Variants in GALNT7 observed in about 807,000 individuals in gnomAD.
The protein encoded by GALNT7 is polypeptide N-acetylgalactosaminyltransferase 7, also known as N-acetylgalactosaminyltransferase 7.
A neutral mutation model predicts 82.1 loss-of-function variants in GALNT7; 60 were observed. The observed-to-expected ratio is 0.73, with a 90% CI of 0.59 to 0.91. The LOEUF (loss-of-function observed/expected upper bound fraction) is 0.91, where lower values mean the gene tolerates loss of function less well. GALNT7 is among the 40% of genes least tolerant of loss of function. The probability of loss-of-function intolerance (pLI) is 0.00; values close to 1 mark genes in which losing one functional copy is unlikely to be tolerated. For synonymous variants in GALNT7, 243 were observed against 275.1 expected (o/e 0.88, Z 1.15); for missense variants, 660 against 804.2 (o/e 0.82, Z 2.17).
intron 6 of GALNT7, among the ~76,000 whole-genome samples, chr4:173,301,571 C>T (rs1465421971): frequency 2.0e-5 from 3 of 152,174 alleles, no homozygotes; most frequent in Non-Finnish European, 4.4e-5. Context: ...CAATGATTTA[C>T]ACTGTTATTT....
At chr4:173,288,238 G>A (rs1455039253) in intron 2 of GALNT7, among the ~76,000 whole-genome samples, 9 of 135,248 alleles carry the variant, frequency 6.7e-5, no homozygotes, top group Admixed American at 2.3e-4. Context: ...AGCCGAGATC[G>A]CGCCACTGCA....
At chr4:173,181,431 T>C (rs575085841) in intron 1 of GALNT7, among the ~76,000 whole-genome samples, 19 of 152,254 alleles carry the variant, frequency 1.2e-4, no homozygotes, top group African/African-American at 4.3e-4. Flanking sequence ...GAGAAAAAAA[T>C]ACTTTAGTAA....
chr4:173,306,469 C>T (rs1274620002), intron 8 of GALNT7, among the ~76,000 whole-genome samples: 1 of 152,156 alleles, frequency 6.6e-6, no homozygotes, highest in African/African-American at 2.4e-5. Context: ...GAGCTTTCAA[C>T]TTTTCATCAT....
chr4:173,252,410 G>A (rs976580266), intron 2 of GALNT7, among the ~76,000 whole-genome samples: 3 of 152,222 alleles, frequency 2.0e-5, no homozygotes, highest in African/African-American at 7.2e-5. Context: ...TTGTCCAGCT[G>A]TGACATCTGA....
chr4:173,184,487 A>C (rs981020805), intron 1 of GALNT7, among the ~76,000 whole-genome samples: 2 of 151,808 alleles, frequency 1.3e-5, no homozygotes, highest in Non-Finnish European at 2.9e-5. Flanking sequence ...AATCCCAGGC[A>C]CTCGGCAGGC....
chr4:173,283,331 A>C lies in GALNT7; in HGVS notation c.588-8777A>C, dbSNP rs559941592. Among the ~76,000 whole-genome samples the C allele has an allele frequency of 3.3e-5, 5 of 152,276 alleles. No individual in the cohort carries two copies. In the East Asian group the frequency reaches 9.6e-4, roughly 29 times the overall value. Reference sequence around the variant, plus strand: ...TGGCTTTGATGGAACTTTGTTCCACAAGGAATCTTAGATAGGACTTTCTAA... The same window carrying C: ...TGGCTTTGATGGAACTTTGTTCCACCAGGAATCTTAGATAGGACTTTCTAA... On this transcript the variant is annotated intron_variant, in intron 2 of 11. Transcript: ENST00000265000.
chr4:173,276,117 C>T (rs1735898622), intron 2 of GALNT7, among the ~76,000 whole-genome samples: 7 of 152,046 alleles, frequency 4.6e-5, no homozygotes, highest in Admixed American at 4.6e-4. Context: ...TTTTTATTCC[C>T]CTTTTCATTA....
chr4:173,203,045 C>G (rs1434214694), intron 1 of GALNT7, among the ~76,000 whole-genome samples: 1 of 150,584 alleles, frequency 6.6e-6, no homozygotes, highest in African/African-American at 2.4e-5. Context: ...CTTTACTTTC[C>G]GTCTATGTGT....
intron 2 of GALNT7, among the ~76,000 whole-genome samples, chr4:173,266,594 C>T (rs1735501983): frequency 6.6e-6 from 1 of 152,102 alleles, no homozygotes; most frequent in South Asian, 2.1e-4. Context: ...CAAGGTAACT[C>T]TTTTTAAATG....
intron 9 of GALNT7, among the ~76,000 whole-genome samples, chr4:173,315,558 C>T (rs758599172): frequency 9.2e-5 from 14 of 152,096 alleles, no homozygotes; most frequent in East Asian, 3.9e-4. Flanking sequence ...TAGACCCATC[C>T]GTCAGAAACG....
At chr4:173,201,211 T>G (rs1320852901) in intron 1 of GALNT7, among the ~76,000 whole-genome samples, 1 of 152,162 alleles carries the variant, frequency 6.6e-6, no homozygotes, top group African/African-American at 2.4e-5. Flanking sequence ...TTTTCTGGCC[T>G]TCATTTTTCT....
At chr4:173,230,293 T>G (rs1469838715) in intron 1 of GALNT7, among the ~76,000 whole-genome samples, 2 of 26,358 alleles carry the variant, frequency 7.6e-5, no homozygotes, top group Non-Finnish European at 2.6e-3. Context: ...TAAGCATATG[T>G]TATATATTCT....
chr4:173,191,855 T>C (rs1732639996), intron 1 of GALNT7, among the ~76,000 whole-genome samples: 1 of 152,324 alleles, frequency 6.6e-6, no homozygotes, highest in Non-Finnish European at 1.5e-5. Flanking sequence ...AAAAACTACT[T>C]AGTGGATTTT....
chr4:173,259,920 G>C (rs752236525), intron 2 of GALNT7, among the ~76,000 whole-genome samples: 1 of 152,170 alleles, frequency 6.6e-6, no homozygotes, highest in African/African-American at 2.4e-5. Context: ...TTACAGGCGT[G>C]AGCCACCATG....
In GALNT7 at chr4:173,295,784, C is replaced by G; in HGVS notation, c.906C>G (p.Ala302=). The change falls in exon 5 of 12, where the codon GCC becomes GCG. Residue 302 remains alanine (A), a synonymous_variant. Transcript: ENST00000265000. ...KLGQVLIYLD[A]HCEVAVNWYA... is the part of the protein sequence containing the mutation. ...TTAAGGTTTTGATATACCTTGATGC[C>G]CACTGTGAGGTGGCAGTTAACTGGT... 1.2e-6 allele frequency: 2 copies of G among 1,608,210 alleles called. No homozygotes were observed. Among genetic ancestry groups the G allele is most frequent in the Non-Finnish European group, 8.5e-7 (1 of 1,174,908 alleles).
At position 173,234,670 on chromosome 4, in the gene GALNT7, C is replaced by T. The variant is rs528654270; in HGVS notation, c.127-13310C>T. Among the ~76,000 whole-genome samples, 4 of 152,224 alleles carry T rather than the reference C, an allele frequency of 2.6e-5. No homozygotes were observed. In the South Asian group the frequency reaches 8.3e-4, roughly 32 times the overall value. On this transcript the variant is annotated intron_variant, in intron 1 of 11. Transcript: ENST00000265000. ...AAACCTCATGTTGTAATTTGAGTCC[C>T]AATTTTGGAGGTGAGGCCTAATGGG...
intron 1 of GALNT7, among the ~76,000 whole-genome samples, chr4:173,187,861 C>T (rs572230597): frequency 2.0e-5 from 3 of 152,182 alleles, no homozygotes; most frequent in Admixed American, 6.5e-5. Context: ...CCTGATGCAA[C>T]TCAGCCACTC....
chr4:173,263,570 G>A (rs949109637), intron 2 of GALNT7, among the ~76,000 whole-genome samples: 2 of 152,008 alleles, frequency 1.3e-5, no homozygotes, highest in Non-Finnish European at 2.9e-5. Context: ...ATAGCAAATC[G>A]GCCAGCTTTA....
chr4:173,201,600 A>T (rs1404347126), intron 1 of GALNT7, among the ~76,000 whole-genome samples: 1 of 152,208 alleles, frequency 6.6e-6, no homozygotes, highest in African/African-American at 2.4e-5. Flanking sequence ...GGTTTACAGG[A>T]TTCAAATCAA....
Sources: allele counts gnomAD v4.1 joint callset (sites outside exome capture counted in the v4.1 genomes callset), GRCh38; gene constraint gnomAD v4.1.1; transcripts MANE v1.5; gene names NCBI Gene and HGNC (gene_info 2026-07-23, HGNC 2026-07-21).